The following ZFP64 variants were observed in gnomAD, a reference collection of about 807,000 sequenced individuals.
The protein encoded by ZFP64 is zinc finger protein 64.
A neutral mutation model predicts 51.6 loss-of-function variants in ZFP64; 14 were observed. The ratio of observed to expected loss-of-function variants is 0.27; its 90% CI spans 0.18 to 0.42. ZFP64 has a LOEUF of 0.42. Ranked by LOEUF, ZFP64 falls within the 10% of genes least tolerant of loss-of-function variation. The probability of loss-of-function intolerance (pLI) is 1.00; values close to 1 mark genes in which losing one functional copy is unlikely to be tolerated. For synonymous variants in ZFP64, 375 were observed against 361.4 expected (o/e 1.04, Z -0.43); for missense variants, 754 against 906.8 (o/e 0.83, Z 2.16).
chr20:52,149,686 T>C (rs1980695473), downstream of ZFP64, among the ~76,000 whole-genome samples: 1 of 152,188 alleles, frequency 6.6e-6, no homozygotes, highest in South Asian at 2.1e-4. Context: ...AGTTTTACTG[T>C]TTTGTTTGTA....
chr20:52,169,576 T>C (rs1011745913), intron 2 of ZFP64, among the ~76,000 whole-genome samples: 6 of 152,160 alleles, frequency 3.9e-5, no homozygotes, highest in Admixed American at 3.3e-4. Context: ...TCTCCAGAGA[T>C]TGGCTGGGCT....
exon 9 of ZFP64, chr20:52,084,977 G>T: frequency 6.2e-7 from 1 of 1,613,962 alleles, no homozygotes; most frequent in Non-Finnish European, 8.5e-7. Flanking sequence ...GGGCGGCCGC[G>T]CTGGAGCAGG....
chr20:52,088,856 A>G (rs1600683325), intron 7 of ZFP64: 1 of 720,580 alleles, frequency 1.4e-6, no homozygotes, highest in East Asian at 2.7e-5. Flanking sequence ...AGATGACATA[A>G]AAATCTGATT....
Position 52,153,195 on chromosome 20 carries a change from G to A in ZFP64, c.997C>T (p.His333Tyr). 6.2e-7 allele frequency: 1 copy of A among 1,614,228 alleles called. No individual in the cohort carries two copies. Among genetic ancestry groups the A allele is most frequent in the Non-Finnish European group, 8.5e-7 (1 of 1,180,028 alleles). ...LGDSKATLRK[H>Y]SRVHQSEHPE... Reference sequence around the variant, plus strand: ...TGCTCCGACTGGTGCACGCGGCTGTGCTTCCGGAGGGTGGCTTTGCTGTCA... The same window carrying A: ...TGCTCCGACTGGTGCACGCGGCTGTACTTCCGGAGGGTGGCTTTGCTGTCA... Residue 333 changes from histidine (H) to tyrosine (Y), a missense_variant, in exon 6 of 6, where the codon CAC becomes TAC. This residue lies in a region of ZFP64 where 428 missense variants were observed against 472.4 expected (regional missense o/e 0.91). Coordinates refer to ENST00000216923, the MANE Select transcript of ZFP64 (RefSeq NM_018197.3). This position sits in a 1 kb window ranked among gnomAD's most constrained non-coding sequence, Gnocchi z 5.1.
At chr20:52,164,137 C>A (rs1362160517) in intron 4 of ZFP64, among the ~76,000 whole-genome samples, 1 of 152,086 alleles carries the variant, frequency 6.6e-6, no homozygotes, top group Non-Finnish European at 1.5e-5. Context: ...ATGGTGAGAC[C>A]CCACTCTCTA....
At chr20:52,118,979 CA>C (rs1979022127) in intron 5 of ZFP64, among the ~76,000 whole-genome samples, 1 of 152,008 alleles carries the variant, frequency 6.6e-6, no homozygotes, top group Non-Finnish European at 1.5e-5. Context: ...CCCGTCTCTA[CA>C]AAAAATACAG....
intron 2 of ZFP64, among the ~76,000 whole-genome samples, chr20:52,175,717 G>A (rs1983139404): frequency 6.6e-6 from 1 of 152,186 alleles, no homozygotes; most frequent in African/African-American, 2.4e-5. Flanking sequence ...GGTGGTGGGC[G>A]CCTGGAATCC....
At chr20:52,099,036 GCT>G (rs1186511012) in intron 5 of ZFP64, among the ~76,000 whole-genome samples, 1 of 148,934 alleles carries the variant, frequency 6.7e-6, no homozygotes, top group African/African-American at 2.5e-5. Flanking sequence ...AGCCATGTAT[GCT>G]CTGTCTTGCA....
intron 2 of ZFP64, among the ~76,000 whole-genome samples, chr20:52,185,373 A>G (rs1170004696): frequency 1.3e-5 from 2 of 152,134 alleles, no homozygotes; most frequent in Non-Finnish European, 2.9e-5. Flanking sequence ...CTTATTGGAT[A>G]AATGTCTTTA....
chr20:52,109,103 T>C (rs1978410348), intron 5 of ZFP64, among the ~76,000 whole-genome samples: 1 of 152,132 alleles, frequency 6.6e-6, no homozygotes, highest in South Asian at 2.1e-4. Flanking sequence ...TACTATATTG[T>C]ACCTGGAACA....
At chr20:52,149,864 A>T (rs1207891507), downstream of ZFP64, among the ~76,000 whole-genome samples, 1 of 152,192 alleles carries the variant, frequency 6.6e-6, no homozygotes, top group African/African-American at 2.4e-5. Flanking sequence ...TGCTTAATTA[A>T]ACTACAACTT....
rs1011623642 is a variant in ZFP64 at position 52,191,505 on chromosome 20, T to A, written c.46+86A>T. The A allele has an allele frequency of 7.1e-7, 1 of 1,407,778 alleles. No homozygotes were observed. Among genetic ancestry groups the A allele is most frequent in the Non-Finnish European group, 9.3e-7 (1 of 1,079,266 alleles). 87.2% of individuals were successfully genotyped at this position (1,407,778 alleles called of 1,614,324 possible). ...CCCGATTTCGGGGCCCCGGGCCTGC[T>A]GGCTGCGTCGCAGACGTGCTTGGGC... On this transcript the variant is annotated intron_variant, in intron 1 of 5. Transcript: ENST00000216923. This position sits in a 1 kb window ranked among gnomAD's most constrained non-coding sequence, Gnocchi z 4.3.
intron 5 of ZFP64, among the ~76,000 whole-genome samples, chr20:52,143,588 C>A (rs1309297199): frequency 7.1e-6 from 1 of 140,912 alleles, no homozygotes; most frequent in Non-Finnish European, 1.6e-5. Flanking sequence ...GGCTAGAGTG[C>A]GGTGGCACAT....
chr20:52,086,221 A>C (rs1429043764), intron 8 of ZFP64, among the ~76,000 whole-genome samples: 1 of 152,232 alleles, frequency 6.6e-6, no homozygotes, highest in African/African-American at 2.4e-5. Context: ...AATAATTTAA[A>C]TGGTGACTGG....
intron 2 of ZFP64, among the ~76,000 whole-genome samples, chr20:52,179,720 T>C (rs1235462605): frequency 6.6e-6 from 1 of 152,224 alleles, no homozygotes; most frequent in East Asian, 1.9e-4. Context: ...TGAATAAGTT[T>C]ATTACTCATT....
chr20:52,105,122 C>T lies in ZFP64; in HGVS notation c.764-6535G>A, dbSNP rs555322351. On this transcript the variant is annotated intron_variant, in intron 5 of 8. Coordinates refer to the ZFP64 transcript ENST00000361387. ...CAGCCCCCGGGCGGGGCTCCAGCGG[C>T]GCTACTCACCCGGCTCCCCCGCCAC... The T allele has an allele frequency of 6.4e-5, 91 of 1,412,966 alleles. No individual in the cohort carries two copies. In the South Asian group the frequency reaches 1.3e-3, roughly 20 times the overall value. 87.5% of individuals were successfully genotyped at this position (1,412,966 alleles called of 1,614,324 possible).
At chr20:52,111,028 G>A (rs1978537814) in intron 5 of ZFP64, 3 of 1,428,488 alleles carry the variant, frequency 2.1e-6, no homozygotes, top group Middle Eastern at 1.7e-4. Flanking sequence ...GGCGCGCTTG[G>A]TGTGCAGGCC....
rs1979729525 is a variant in ZFP64, at chr20:52,131,669, T to C, written c.763+28454A>G. On this transcript the variant is annotated intron_variant, in intron 5 of 8. Coordinates refer to the ZFP64 transcript ENST00000361387. ...AAGGGGTGAATTCAGCAAAAAGATA[T>C]CGCAGTTTTAAATATATATGCATCC... Among the ~76,000 whole-genome samples the C allele has an allele frequency of 3.3e-5, 5 of 152,154 alleles. No homozygotes were observed. In the South Asian group the frequency reaches 1.0e-3, roughly 32 times the overall value.
At chr20:52,084,840 G>T (rs1414431873) in exon 9 of ZFP64, 2 of 1,613,944 alleles carry the variant, frequency 1.2e-6, no homozygotes, top group Non-Finnish European at 1.7e-6. Context: ...CCGGTTCTCC[G>T]TCTTGGCCTC....
Sources: gnomAD v4.1 joint callset for allele counts (sites outside exome capture counted in the v4.1 genomes callset) on GRCh38, gnomAD v4.1.1 for gene constraint, gnomAD v4.1.1 regional missense constraint, Gnocchi (gnomAD v3.1) non-coding constraint, MANE v1.5 for transcripts, NCBI Gene and HGNC (gene_info 2026-07-23, HGNC 2026-07-21) for gene names.